The following WWOX variants were observed in gnomAD, a reference collection of about 807,000 sequenced individuals.
WWOX encodes the protein WW domain-containing oxidoreductase.
Under a neutral mutation model 46.2 loss-of-function variants are expected in WWOX, and 69 were observed. That is an observed-to-expected ratio of 1.49 (90% CI 1.23 to 1.82). The LOEUF (loss-of-function observed/expected upper bound fraction) is 1.82, where lower values mean the gene tolerates loss of function less well. Among genes scored for constraint, WWOX ranks in the 40% most tolerant of loss-of-function variants. The pLI is 0.00. For missense variants in WWOX, 919 were observed against 542.6 expected (o/e 1.69, Z -6.89); for synonymous variants, 359 against 202.6 (o/e 1.77, Z -6.56).
Position 79,082,446 on chromosome 16 carries a change from C to G in WWOX, c.1057-129162C>G, listed in dbSNP as rs138121482. On this transcript the variant is annotated intron_variant, in intron 8 of 8. Transcript: ENST00000566780. Reference sequence around the variant, plus strand: ...GTCACCTTCCCATGGCCAGGAGAAGCAGGTACTCAGGAATGGCTACTTCTC... The same window carrying G: ...GTCACCTTCCCATGGCCAGGAGAAGGAGGTACTCAGGAATGGCTACTTCTC... Among the ~76,000 whole-genome samples the G allele has an allele frequency of 4.3e-3, 660 of 152,252 alleles. 6 individuals carry two copies. The highest frequency in any genetic ancestry group is 6.7e-3 in the Non-Finnish European group (454 of 68,018).
At chr16:79,211,368 A>C (rs1351814316) in intron 8 of WWOX, among the ~76,000 whole-genome samples, 1 of 152,164 alleles carries the variant, frequency 6.6e-6, no homozygotes, top group African/African-American at 2.4e-5. Context: ...CTGTCCCTGT[A>C]TGAGGTGTCA....
intron 8 of WWOX, among the ~76,000 whole-genome samples, chr16:78,703,453 AT>A (rs112258892): frequency 0.63 from 94,198 of 149,370 alleles, 30,801 homozygotes; most frequent in African/African-American, 0.83. Flanking sequence ...GTCTCTACAC[AT>A]TTTTTTTTTT....
At chr16:78,099,944 C>G (rs1209130822) in intron 1 of WWOX, 59 bp downstream of exon 1, 1 of 1,533,742 alleles carries the variant, frequency 6.5e-7, no homozygotes, top group Admixed American at 2.1e-5. Context: ...CCCACGGACG[C>G]CACCTGCGCG....
chr16:79,065,279 T>C (rs868312636), intron 8 of WWOX, among the ~76,000 whole-genome samples: 1 of 151,928 alleles, frequency 6.6e-6, no homozygotes, highest in African/African-American at 2.4e-5. Flanking sequence ...AAAGAAAGAG[T>C]TTAATTAACA....
At chr16:78,950,664 C>G (rs1391040407) in intron 8 of WWOX, among the ~76,000 whole-genome samples, 1 of 151,876 alleles carries the variant, frequency 6.6e-6, no homozygotes, top group African/African-American at 2.4e-5. Context: ...AGGTGGAATC[C>G]TTTTTCCTTG....
intron 8 of WWOX, among the ~76,000 whole-genome samples, chr16:78,918,574 C>T (rs1227110130): frequency 1.3e-5 from 2 of 152,178 alleles, no homozygotes; most frequent in African/African-American, 4.8e-5. Flanking sequence ...AGACAGGCTG[C>T]AAAATGCTTG....
chr16:78,734,926 C>T (rs756937394), intron 8 of WWOX, among the ~76,000 whole-genome samples: 26 of 128,744 alleles, frequency 2.0e-4, no homozygotes, highest in Non-Finnish European at 3.4e-4. Context: ...AGTGCAGTGA[C>T]GCAATCTCAG....
At chr16:78,585,170 A>AC in intron 8 of WWOX, among the ~76,000 whole-genome samples, 1 of 152,212 alleles carries the variant, frequency 6.6e-6, no homozygotes. Flanking sequence ...GGTTCTGACC[A>AC]CCCCCGGGCT....
chr16:78,762,605 C>T (rs879536408), intron 8 of WWOX, among the ~76,000 whole-genome samples: 23 of 152,176 alleles, frequency 1.5e-4, no homozygotes, highest in Non-Finnish European at 2.9e-4. Context: ...GCACAGGGGG[C>T]TCGGGGCACA....
chr16:78,147,700 A>ATTTTTT (rs1567598463), intron 4 of WWOX, among the ~76,000 whole-genome samples: 49 of 109,958 alleles, frequency 4.5e-4, no homozygotes, highest in African/African-American at 1.5e-3. Flanking sequence ...TTTTTTTAAA[A>ATTTTTT]AAAAAAAAGG....
intron 8 of WWOX, among the ~76,000 whole-genome samples, chr16:78,679,388 T>C (rs1166452786): frequency 6.6e-6 from 1 of 151,972 alleles, no homozygotes; most frequent in East Asian, 1.9e-4. Context: ...CTGTCTCTGC[T>C]AAAAATACAA....
chr16:79,137,682 C>A (rs1009172720), intron 8 of WWOX, among the ~76,000 whole-genome samples: 1 of 152,126 alleles, frequency 6.6e-6, no homozygotes, highest in East Asian at 1.9e-4. Flanking sequence ...TTTCTCCTCC[C>A]TCCTCCGTCT....
At chr16:78,256,129 G>A (rs890458208) in intron 5 of WWOX, among the ~76,000 whole-genome samples, 13 of 125,852 alleles carry the variant, frequency 1.0e-4, no homozygotes, top group African/African-American at 3.6e-4. Context: ...CATCCTGGGC[G>A]ACAGAGCAAG....
In WWOX at chr16:79,193,109, C is replaced by G. The variant is rs1367492392; in HGVS notation, c.1057-18499C>G. The stretch of plus-strand genomic sequence containing the variant: ...ATCCCAGGGGCAAGGCCAGCACTTT[C>G]CATTCCATTAGACTTCATTCTCTTG... On this transcript the variant is annotated intron_variant, in intron 8 of 8. Transcript: ENST00000566780. 3.3e-5 allele frequency among the ~76,000 whole-genome samples: 5 copies of G among 152,342 alleles called. No homozygotes were observed. The East Asian group carries it at 5.8e-4, about 18-fold the overall frequency.
intron 8 of WWOX, among the ~76,000 whole-genome samples, chr16:78,736,580 G>GTTTTT (rs2049097604): frequency 6.6e-6 from 1 of 151,762 alleles, no homozygotes. Context: ...TTTCTTTCTT[G>GTTTTT]TTTTGTTTTG....
At chr16:78,937,551 TC>T (rs1376752393) in intron 8 of WWOX, among the ~76,000 whole-genome samples, 3 of 149,426 alleles carry the variant, frequency 2.0e-5, no homozygotes, top group African/African-American at 7.4e-5. Context: ...TTGCTTGGCT[TC>T]CCAAAGTGCT....
intron 8 of WWOX, among the ~76,000 whole-genome samples, chr16:79,009,644 T>A (rs1405773316): frequency 6.6e-6 from 1 of 152,154 alleles, no homozygotes; most frequent in South Asian, 2.1e-4. Context: ...AAAGACAAGG[T>A]TTCCCCATGT....
At chr16:78,521,968 G>A (rs1288173068) in intron 8 of WWOX, among the ~76,000 whole-genome samples, 6 of 151,982 alleles carry the variant, frequency 3.9e-5, no homozygotes, top group Non-Finnish European at 7.4e-5. Flanking sequence ...GCTCACAGCA[G>A]GCCCATTTTG....
intron 5 of WWOX, among the ~76,000 whole-genome samples, chr16:78,187,076 A>G (rs894303455): frequency 6.6e-6 from 1 of 152,206 alleles, no homozygotes; most frequent in African/African-American, 2.4e-5. Flanking sequence ...CATAGTCAGG[A>G]TACAGAACTG....
Sources: allele counts gnomAD v4.1 joint callset (sites outside exome capture counted in the v4.1 genomes callset), GRCh38; gene constraint gnomAD v4.1.1; transcripts MANE v1.5; gene names NCBI Gene and HGNC (gene_info 2026-07-23, HGNC 2026-07-21).